Variants in DLEU7 observed in about 807,000 individuals in gnomAD.
DLEU7 encodes the protein deleted in lymphocytic leukemia 7.
Under a neutral mutation model 16.0 loss-of-function variants are expected in DLEU7, and 17 were observed. That is an observed-to-expected ratio of 1.06 (90% CI 0.73 to 1.59). The LOEUF is 1.59. Ranked by LOEUF, DLEU7 falls within the 40% of genes most tolerant of loss-of-function variation. The probability of loss-of-function intolerance (pLI) is 0.00; values close to 1 mark genes in which losing one functional copy is unlikely to be tolerated. For synonymous variants in DLEU7, 113 were observed against 139.8 expected (o/e 0.81, Z 1.35); for missense variants, 308 against 314.9 (o/e 0.98, Z 0.17).
chr13:50,826,944 T>C (rs1877104897), intron 1 of DLEU7, among the ~76,000 whole-genome samples: 1 of 152,122 alleles, frequency 6.6e-6, no homozygotes, highest in African/African-American at 2.4e-5. Flanking sequence ...AAAATAAATA[T>C]GCTCTCATTT....
chr13:50,836,595 AC>A (rs1187202854), intron 1 of DLEU7, among the ~76,000 whole-genome samples: 1 of 151,970 alleles, frequency 6.6e-6, no homozygotes, highest in Admixed American at 6.6e-5. Context: ...AGTGGTGTGA[AC>A]CCAGGAGGCA....
intron 1 of DLEU7, among the ~76,000 whole-genome samples, chr13:50,842,387 C>CA (rs1345042344): frequency 2.6e-5 from 4 of 152,168 alleles, no homozygotes; most frequent in Non-Finnish European, 4.4e-5. Flanking sequence ...CAGAATGTCT[C>CA]AGAGAGATTC....
At chr13:50,755,186 G>A (rs917913806) in intron 1 of DLEU7, among the ~76,000 whole-genome samples, 13 of 152,268 alleles carry the variant, frequency 8.5e-5, no homozygotes, top group African/African-American at 3.1e-4. Context: ...ATCTTTTTGT[G>A]ATGAATTTCC....
At chr13:50,751,244 A>G (rs1039808399) in intron 1 of DLEU7, among the ~76,000 whole-genome samples, 2 of 152,098 alleles carry the variant, frequency 1.3e-5, no homozygotes, top group Admixed American at 6.5e-5. Flanking sequence ...ATTGACTTTC[A>G]TATGTTAAAC....
chr13:50,762,313 C>T (rs529437451), intron 1 of DLEU7, among the ~76,000 whole-genome samples: 17 of 151,812 alleles, frequency 1.1e-4, no homozygotes, highest in African/African-American at 3.9e-4. Context: ...TTGGGGATTA[C>T]GACTATCACA....
chr13:50,818,282 A>G (rs1476209494), downstream of DLEU7, among the ~76,000 whole-genome samples: 1 of 152,176 alleles, frequency 6.6e-6, no homozygotes, highest in African/African-American at 2.4e-5. Context: ...AAGGCCACTC[A>G]GAATGGCCCA....
At chr13:50,729,196 A>G (rs1355004979) in intron 1 of DLEU7, among the ~76,000 whole-genome samples, 1 of 152,040 alleles carries the variant, frequency 6.6e-6, no homozygotes, top group Admixed American at 6.6e-5. Context: ...TCCACCCTCA[A>G]TTAGGCTAAA....
intron 1 of DLEU7, among the ~76,000 whole-genome samples, chr13:50,831,645 G>A (rs1361766696): frequency 1.3e-5 from 2 of 152,130 alleles, no homozygotes; most frequent in East Asian, 3.9e-4. Context: ...CACTGGTCTG[G>A]CCCACACGCC....
chr13:50,753,952 G>A (rs565128048), intron 1 of DLEU7, among the ~76,000 whole-genome samples: 65 of 152,326 alleles, frequency 4.3e-4, no homozygotes, highest in African/African-American at 1.6e-3. Flanking sequence ...TCAGGAGCAG[G>A]TTATTTAATT....
intron 1 of DLEU7, among the ~76,000 whole-genome samples, chr13:50,719,364 A>G (rs1262830127): frequency 6.6e-6 from 1 of 152,236 alleles, no homozygotes; most frequent in Non-Finnish European, 1.5e-5. Context: ...TCTTAACTCC[A>G]TGAGTAATTT....
chr13:50,776,379 A>T (rs1232619955), intron 1 of DLEU7, among the ~76,000 whole-genome samples: 2 of 152,182 alleles, frequency 1.3e-5, no homozygotes, highest in African/African-American at 4.8e-5. Context: ...ACTTTTCACT[A>T]ATTTCTTAGC....
In DLEU7 at chr13:50,843,396, T is replaced by G; in HGVS notation, c.251A>C (p.Asn84Thr). The G allele has an allele frequency of 7.5e-7, 1 of 1,328,744 alleles. No homozygotes were observed. Among genetic ancestry groups the G allele is most frequent in the Non-Finnish European group, 9.6e-7 (1 of 1,043,482 alleles). The allele number at this position is 1,328,744 out of a possible 1,614,324, so 82.3% of individuals were successfully genotyped here. A position where few individuals can be genotyped will look rare whatever the true frequency, so the allele number is the denominator to read the frequency against. ...TRSRRTAARA[N>T]SPEEEVVRGA... The stretch of plus-strand genomic sequence containing the variant: ...TCGCACTACCTCCTCCTCTGGGGAG[T>G]TCGCCCGCGCCGCGGTCCGCCGACT... The change falls in exon 1 of 2, where the codon AAC becomes ACC. Residue 84 changes from asparagine (N) to threonine (T), a missense_variant. Coordinates refer to ENST00000504404, the MANE Select transcript of DLEU7 (RefSeq NM_001306135.2). This position sits in a 1 kb window ranked among gnomAD's most constrained non-coding sequence, Gnocchi z 5.7.
intron 1 of DLEU7, among the ~76,000 whole-genome samples, chr13:50,766,465 TCTTC>T (rs1875113150): frequency 9.9e-6 from 1 of 100,974 alleles, no homozygotes; most frequent in Non-Finnish European, 2.3e-5. Flanking sequence ...TCTTTCCTTG[TCTTC>T]CTTCTCTTCC....
At chr13:50,822,700 C>T (rs1876952030), downstream of DLEU7, 1 of 985,164 alleles carries the variant, frequency 1.0e-6, no homozygotes, top group African/African-American at 1.7e-5. Context: ...TCATAGCTCA[C>T]TATCACTTTA....
At chr13:50,817,650 A>G (rs893560763) in intron 1 of DLEU7, among the ~76,000 whole-genome samples, 1 of 152,180 alleles carries the variant, frequency 6.6e-6, no homozygotes, top group Non-Finnish European at 1.5e-5. Flanking sequence ...AATGGAGCCA[A>G]CTGTTGGAGG....
intron 1 of DLEU7, among the ~76,000 whole-genome samples, chr13:50,733,919 A>G (rs2812245): frequency 0.82 from 125,391 of 152,076 alleles, 52,683 homozygotes; most frequent in African/African-American, 0.95. Flanking sequence ...GCAAGTAGCA[A>G]GTCTGGGATT....
chr13:50,721,369 C>A (rs910857523), intron 1 of DLEU7, among the ~76,000 whole-genome samples: 1 of 152,108 alleles, frequency 6.6e-6, no homozygotes, highest in African/African-American at 2.4e-5. Context: ...CATGGGATTT[C>A]ACCTTGTGAT....
At chr13:50,795,543 A>G (rs184888918) in intron 1 of DLEU7, among the ~76,000 whole-genome samples, 27 of 152,340 alleles carry the variant, frequency 1.8e-4, no homozygotes, top group Non-Finnish European at 2.1e-4. Flanking sequence ...ATTGTATGCC[A>G]CAATATGGAG....
At position 50,843,061 on chromosome 13, in the gene DLEU7, G is replaced by A. The variant is rs1566272138; in HGVS notation, c.459+127C>T. 7.2e-6 allele frequency: 7 copies of A among 969,922 alleles called. No homozygotes were observed. Among genetic ancestry groups the A allele is most frequent in the Non-Finnish European group, 1.0e-5 (7 of 692,994 alleles). The allele number at this position is 969,922 out of a possible 1,614,324, so 60.1% of individuals were successfully genotyped here. ...CCCGCCCCCTTCCTTCTCCCACTGG[G>A]GCTGAATCACAGTGGGCAGCAGTGT... On this transcript the variant is annotated intron_variant, in intron 1 of 1. Coordinates refer to ENST00000504404, the MANE Select transcript of DLEU7 (RefSeq NM_001306135.2). This position sits in a 1 kb window ranked among gnomAD's most constrained non-coding sequence, Gnocchi z 5.7.
Sources: allele counts gnomAD v4.1 joint callset (sites outside exome capture counted in the v4.1 genomes callset), GRCh38; gene constraint gnomAD v4.1.1; non-coding constraint Gnocchi (gnomAD v3.1); transcripts MANE v1.5; gene names NCBI Gene and HGNC (gene_info 2026-07-23, HGNC 2026-07-21).